IMMP1L: variants seen among roughly 807,000 people sequenced by gnomAD.
The protein encoded by IMMP1L is inner mitochondrial membrane peptidase subunit 1.
In IMMP1L, 24 loss-of-function variants were observed where a neutral mutation model predicts 21.8. That is an observed-to-expected ratio of 1.10 (90% CI 0.80 to 1.55). The LOEUF (loss-of-function observed/expected upper bound fraction) is 1.55, where lower values mean the gene tolerates loss of function less well. Among genes scored for constraint, IMMP1L ranks in the 40% most tolerant of loss-of-function variants. The pLI, the probability that IMMP1L is intolerant of heterozygous loss-of-function variation, is 0.00. For missense variants in IMMP1L, 195 were observed against 200.7 expected (o/e 0.97, Z 0.17); for synonymous variants, 46 against 62.8 (o/e 0.73, Z 1.26).
intron 4 of IMMP1L, among the ~76,000 whole-genome samples, chr11:31,447,501 T>C (rs1401257808): frequency 2.0e-5 from 3 of 152,228 alleles, no homozygotes; most frequent in African/African-American, 7.2e-5. Flanking sequence ...GTACACAAAG[T>C]AGATGAGAAT....
At chr11:31,500,097 T>C (rs1955570340) in intron 1 of IMMP1L, among the ~76,000 whole-genome samples, 5 of 152,108 alleles carry the variant, frequency 3.3e-5, no homozygotes, top group Admixed American at 2.6e-4. Context: ...GCTCCTTGAT[T>C]ATGCACATTA....
chr11:31,461,953 G>C (rs947109201), intron 2 of IMMP1L, among the ~76,000 whole-genome samples: 2 of 152,064 alleles, frequency 1.3e-5, no homozygotes, highest in African/African-American at 4.8e-5. Context: ...GGCAGAAATA[G>C]GAGGAAATAC....
chr11:31,454,885 T>C (rs79233003), intron 4 of IMMP1L, among the ~76,000 whole-genome samples: 137 of 152,304 alleles, frequency 9.0e-4, no homozygotes, highest in African/African-American at 3.2e-3. Context: ...ACACACATGA[T>C]GCTAAAGTAA....
chr11:31,499,273 G>A lies in IMMP1L; in HGVS notation c.-30+10246C>T, dbSNP rs1265200771. On this transcript the variant is annotated intron_variant, in intron 1 of 5. Coordinates refer to ENST00000532287, the MANE Select transcript of IMMP1L (RefSeq NM_001304274.2). ...CCAGCTACTCAAGAGGCTGAGGCAG[G>A]AAAATGGCGTGAACCCGGGACGCGG... Among the ~76,000 whole-genome samples, 4 of 152,236 alleles carry A rather than the reference G, an allele frequency of 2.6e-5. No homozygotes were observed. The East Asian group carries it at 7.7e-4, about 29-fold the overall frequency.
At position 31,437,707 on chromosome 11, in the gene IMMP1L, T is replaced by A. The variant is rs538863171; in HGVS notation, c.322-4137A>T. Among the ~76,000 whole-genome samples, 68 of 152,278 alleles carry A rather than the reference T, an allele frequency of 4.5e-4. No homozygotes were observed. In the South Asian group the frequency reaches 0.012, roughly 27 times the overall value. On this transcript the variant is annotated intron_variant, in intron 4 of 5. Transcript: ENST00000532287. Reference sequence around the variant, plus strand: ...ACCACAACCACAATGATACAGGATGTTTCTTCCATGCCGAAAAGTTCCCTC... The same window carrying A: ...ACCACAACCACAATGATACAGGATGATTCTTCCATGCCGAAAAGTTCCCTC...
At chr11:31,479,292 A>T (rs1024611586) in intron 1 of IMMP1L, among the ~76,000 whole-genome samples, 10 of 152,030 alleles carry the variant, frequency 6.6e-5, no homozygotes, top group Admixed American at 6.6e-4. Context: ...CATCATCACA[A>T]TCTCTTTAAA....
At chr11:31,461,006 T>A (rs1308489022) in intron 2 of IMMP1L, among the ~76,000 whole-genome samples, 1 of 152,190 alleles carries the variant, frequency 6.6e-6, no homozygotes, top group Admixed American at 6.5e-5. Context: ...CTCAGTTCTA[T>A]GAAGGCAGAG....
intron 1 of IMMP1L, among the ~76,000 whole-genome samples, chr11:31,497,366 G>A (rs1013879333): frequency 1.3e-5 from 2 of 151,822 alleles, no homozygotes; most frequent in African/African-American, 4.8e-5. Context: ...CTTATAATAA[G>A]TTGGCAAATT....
intron 4 of IMMP1L, among the ~76,000 whole-genome samples, chr11:31,455,462 CTCTTCAT>C (rs1953909614): frequency 6.6e-6 from 1 of 152,170 alleles, no homozygotes; most frequent in South Asian, 2.1e-4. Flanking sequence ...ATTCTATCTA[CTCTTCAT>C]TCTTCCATTT....
At chr11:31,458,521 T>C (rs1019535822) in intron 3 of IMMP1L, among the ~76,000 whole-genome samples, 2 of 152,140 alleles carry the variant, frequency 1.3e-5, no homozygotes, top group Admixed American at 6.5e-5. Context: ...GTGCTTTAGA[T>C]ACTAGATATG....
At chr11:31,476,529 A>G (rs572079436) in intron 1 of IMMP1L, among the ~76,000 whole-genome samples, 84 of 152,180 alleles carry the variant, frequency 5.5e-4, no homozygotes, top group Non-Finnish European at 6.9e-4. Context: ...TTATTTTTAT[A>G]ATTTCAAGAA....
chr11:31,492,748 G>A (rs913756847), intron 1 of IMMP1L, among the ~76,000 whole-genome samples: 2 of 152,150 alleles, frequency 1.3e-5, no homozygotes, highest in African/African-American at 2.4e-5. Context: ...GGAGGCCAGC[G>A]AAGGAGAGCT....
intron 4 of IMMP1L, among the ~76,000 whole-genome samples, chr11:31,453,323 G>T (rs1261803461): frequency 6.6e-6 from 1 of 152,090 alleles, no homozygotes; most frequent in African/African-American, 2.4e-5. Flanking sequence ...GAACAATTTT[G>T]GTGTTTTGCT....
At chr11:31,452,232 A>T (rs2133610402) in intron 4 of IMMP1L, 1 of 984,634 alleles carries the variant, frequency 1.0e-6, no homozygotes, top group East Asian at 1.1e-4. Flanking sequence ...TGTTGATAGG[A>T]ATTTACCATA....
intron 4 of IMMP1L, among the ~76,000 whole-genome samples, chr11:31,443,189 A>G (rs927231042): frequency 1.3e-5 from 2 of 152,176 alleles, no homozygotes; most frequent in Non-Finnish European, 2.9e-5. Context: ...ACTATTAGAG[A>G]TAATATTTGA....
chr11:31,480,430 A>G (rs1954856888), intron 1 of IMMP1L, among the ~76,000 whole-genome samples: 1 of 152,078 alleles, frequency 6.6e-6, no homozygotes, highest in Non-Finnish European at 1.5e-5. Context: ...CAGGAAATGT[A>G]ATTATTCATT....
intron 5 of IMMP1L, 108 bp downstream of exon 5, chr11:31,433,352 G>A: frequency 3.4e-6 from 2 of 582,000 alleles, no homozygotes; most frequent in Admixed American, 3.4e-5. Context: ...AAATATATTC[G>A]GTGCAACAGT....
intron 1 of IMMP1L, among the ~76,000 whole-genome samples, chr11:31,491,872 C>T (rs970510028): frequency 6.6e-6 from 1 of 152,100 alleles, no homozygotes; most frequent in Non-Finnish European, 1.5e-5. Context: ...ATGGGAGACC[C>T]ACACATTTTA....
intron 1 of IMMP1L, among the ~76,000 whole-genome samples, chr11:31,500,259 C>G (rs369703488): frequency 1.3e-5 from 2 of 151,802 alleles, no homozygotes; most frequent in East Asian, 1.9e-4. Flanking sequence ...CTTCACTTAT[C>G]AACATGAATA....
Sources: allele counts gnomAD v4.1 joint callset (sites outside exome capture counted in the v4.1 genomes callset), GRCh38; gene constraint gnomAD v4.1.1; transcripts MANE v1.5; gene names NCBI Gene and HGNC (gene_info 2026-07-23, HGNC 2026-07-21).